Variants in FILIP1 observed in about 807,000 individuals in gnomAD.
The protein encoded by FILIP1 is filamin-A-interacting protein 1.
In FILIP1, 61 loss-of-function variants were observed where a neutral mutation model predicts 102.1. That is an observed-to-expected ratio of 0.60 (90% CI 0.49 to 0.74). The LOEUF is 0.74. Ranked by LOEUF, FILIP1 falls within the 30% of genes least tolerant of loss-of-function variation. The probability of loss-of-function intolerance (pLI) is 0.00; values close to 1 mark genes in which losing one functional copy is unlikely to be tolerated. For missense variants in FILIP1, 1,314 were observed against 1,441.2 expected (o/e 0.91, Z 1.43); for synonymous variants, 491 against 526.9 (o/e 0.93, Z 0.93).
At chr6:75,454,090 A>C (rs935159058) in intron 1 of FILIP1, 1 of 446,000 alleles carries the variant, frequency 2.2e-6, no homozygotes, top group South Asian at 1.6e-5. Context: ...AGGGTCTCTC[A>C]ATGATAAAAT....
chr6:75,302,813 T>TATGATATGAC (rs1204123122), intron 6 of FILIP1, among the ~76,000 whole-genome samples: 6 of 130,202 alleles, frequency 4.6e-5, no homozygotes, highest in African/African-American at 1.4e-4. Flanking sequence ...GATGATATGA[T>TATGATATGAC]ATGATATGAC....
At chr6:75,301,572 T>G (rs943979907) in intron 6 of FILIP1, among the ~76,000 whole-genome samples, 1 of 152,172 alleles carries the variant, frequency 6.6e-6, no homozygotes, top group Non-Finnish European at 1.5e-5. Flanking sequence ...TTAGCAGAAG[T>G]AGAGAGGCCA....
At chr6:75,493,208 A>G (rs920198508) in intron 1 of FILIP1, among the ~76,000 whole-genome samples, 1 of 152,214 alleles carries the variant, frequency 6.6e-6, no homozygotes, top group Non-Finnish European at 1.5e-5. Flanking sequence ...GTGTTTAAAA[A>G]GGAATTGGTA....
intron 2 of FILIP1, among the ~76,000 whole-genome samples, chr6:75,390,478 G>A (rs1370872334): frequency 6.6e-6 from 1 of 152,082 alleles, no homozygotes; most frequent in Non-Finnish European, 1.5e-5. Flanking sequence ...TGCTTTTGGG[G>A]AGGCCTCAGG....
intron 1 of FILIP1, among the ~76,000 whole-genome samples, chr6:75,421,739 T>C (rs1486872160): frequency 6.6e-6 from 1 of 152,198 alleles, no homozygotes; most frequent in African/African-American, 2.4e-5. Flanking sequence ...TTAATCTTGT[T>C]GACTCATCTA....
chr6:75,444,958 A>C (rs1420249579), intron 1 of FILIP1, among the ~76,000 whole-genome samples: 1 of 152,160 alleles, frequency 6.6e-6, no homozygotes, highest in Admixed American at 6.5e-5. Context: ...TCACCTCAGA[A>C]CTTGTGACTG....
intron 1 of FILIP1, among the ~76,000 whole-genome samples, chr6:75,453,758 A>G (rs148792745): frequency 5.8e-4 from 89 of 152,246 alleles, no homozygotes; most frequent in African/African-American, 2.0e-3. Context: ...GTCACTGTGA[A>G]CTATGAACAG....
chr6:75,455,533 A>C (rs949497334), intron 1 of FILIP1, among the ~76,000 whole-genome samples: 7 of 152,194 alleles, frequency 4.6e-5, no homozygotes, highest in African/African-American at 1.7e-4. Context: ...AAATGCAGGC[A>C]AAGTGCTTTG....
intron 2 of FILIP1, among the ~76,000 whole-genome samples, chr6:75,405,299 AATGTAGGCCTAAAGGCCT>A (rs1420115261): frequency 6.6e-6 from 1 of 152,182 alleles, no homozygotes; most frequent in Non-Finnish European, 1.5e-5. Context: ...GAAGCCAACA[AATGTAGGCCTAAAGGCCT>A]ACTCTGTGCC....
intron 1 of FILIP1, among the ~76,000 whole-genome samples, chr6:75,422,126 A>T (rs1432077880): frequency 6.6e-6 from 1 of 152,172 alleles, no homozygotes; most frequent in Non-Finnish European, 1.5e-5. Flanking sequence ...TGACATAATG[A>T]CATAATTTTT....
chr6:75,324,536 T>C (rs568229650), intron 4 of FILIP1, among the ~76,000 whole-genome samples: 31 of 152,092 alleles, frequency 2.0e-4, no homozygotes, highest in Non-Finnish European at 4.1e-4. Context: ...ACAGATTCAA[T>C]GCATTTCCCA....
chr6:75,460,845 T>A (rs1353003545), intron 1 of FILIP1, among the ~76,000 whole-genome samples: 1 of 152,174 alleles, frequency 6.6e-6, no homozygotes, highest in Non-Finnish European at 1.5e-5. Context: ...TAGCTTTGTT[T>A]TTTTCTGGCT....
At chr6:75,308,941 G>A (rs769250032) in intron 5 of FILIP1, 44 bp from the exon 6 acceptor site, 1 of 1,603,416 alleles carries the variant, frequency 6.2e-7, no homozygotes, top group Admixed American at 1.7e-5. Context: ...ATGTTGGTGA[G>A]TTTCCTCTGG....
At chr6:75,456,754 T>C (rs891570631) in intron 1 of FILIP1, among the ~76,000 whole-genome samples, 1 of 152,068 alleles carries the variant, frequency 6.6e-6, no homozygotes, top group Non-Finnish European at 1.5e-5. Context: ...GAGACGGGGT[T>C]TCACCATGTT....
At chr6:75,385,948 A>G (rs527949223) in intron 2 of FILIP1, among the ~76,000 whole-genome samples, 130 of 151,974 alleles carry the variant, frequency 8.6e-4, no homozygotes, top group Non-Finnish European at 1.5e-3. Flanking sequence ...TAATGTTTCC[A>G]ATGTATCTAC....
chr6:75,447,990 T>C (rs1449559789), intron 1 of FILIP1, among the ~76,000 whole-genome samples: 1 of 152,124 alleles, frequency 6.6e-6, no homozygotes, highest in African/African-American at 2.4e-5. Context: ...AAAATAATTG[T>C]AATATCACAT....
At chr6:75,310,575 C>G (rs1165694728) in intron 5 of FILIP1, among the ~76,000 whole-genome samples, 1 of 152,118 alleles carries the variant, frequency 6.6e-6, no homozygotes, top group Non-Finnish European at 1.5e-5. Context: ...AAATGCTACC[C>G]GTGTATGAGG....
chr6:75,480,334 C>T (rs1779616585), intron 1 of FILIP1, among the ~76,000 whole-genome samples: 1 of 91,320 alleles, frequency 1.1e-5, no homozygotes, highest in African/African-American at 3.8e-5. Flanking sequence ...CACTATTTTC[C>T]CTTGATCTCT....
intron 4 of FILIP1, among the ~76,000 whole-genome samples, chr6:75,352,857 A>G (rs896953431): frequency 2.6e-5 from 4 of 151,460 alleles, no homozygotes; most frequent in Non-Finnish European, 5.9e-5. Flanking sequence ...TTATATTTAA[A>G]TGTAGTTTAC....
Sources: gnomAD v4.1 joint callset for allele counts (sites outside exome capture counted in the v4.1 genomes callset) on GRCh38, gnomAD v4.1.1 for gene constraint, MANE v1.5 for transcripts, NCBI Gene and HGNC (gene_info 2026-07-23, HGNC 2026-07-21) for gene names.